The following SFMBT2 variants were observed in gnomAD, a reference collection of about 807,000 sequenced individuals.
SFMBT2 encodes Scm like with four mbt domains 2, also known as scm-like with four MBT domains protein 2.
A neutral mutation model predicts 110.1 loss-of-function variants in SFMBT2; 38 were observed. The ratio of observed to expected loss-of-function variants is 0.35; its 90% CI spans 0.27 to 0.45. The LOEUF (loss-of-function observed/expected upper bound fraction) is 0.45. Ranked by LOEUF, SFMBT2 falls within the 20% of genes least tolerant of loss-of-function variation. The pLI is 1.00. For missense variants in SFMBT2, 1,011 were observed against 1,094.9 expected (o/e 0.92, Z 1.08); for synonymous variants, 425 against 425.4 (o/e 1.00, Z 0.01).
Position 7,392,989 on chromosome 10 carries a change from A to T in SFMBT2, c.-51-11040T>A, listed in dbSNP as rs1845813914. On this transcript the variant is annotated intron_variant, in intron 1 of 20. Coordinates refer to ENST00000397167, the MANE Select transcript of SFMBT2 (RefSeq NM_001387889.1). ...ATACAAGTATGTGGATAGATTATATATATATATATATATATATATATATAT... is the reference window on the plus strand; with the variant it reads ...ATACAAGTATGTGGATAGATTATATTTATATATATATATATATATATATAT... Among the ~76,000 whole-genome samples, 11 of 19,332 alleles carry T rather than the reference A, an allele frequency of 5.7e-4. No individual in the cohort carries two copies. In the South Asian group the frequency reaches 0.024, roughly 43 times the overall value. The allele number at this position is 19,332 out of a possible 152,430, so 12.7% of individuals were successfully genotyped here. A position where few individuals can be genotyped will look rare whatever the true frequency, so the allele number is the denominator to read the frequency against.
chr10:7,262,759 A>G (rs767523715), intron 7 of SFMBT2, among the ~76,000 whole-genome samples: 26 of 152,138 alleles, frequency 1.7e-4, no homozygotes. Context: ...AGTTACATTT[A>G]TTGTTTGACC....
intron 17 of SFMBT2, 49 bp downstream of exon 17, chr10:7,175,941 G>A (rs1381554853): frequency 6.4e-7 from 1 of 1,555,868 alleles, no homozygotes; most frequent in South Asian, 1.1e-5. Flanking sequence ...TTAGAGTGCA[G>A]TTTAGGTCTC....
chr10:7,383,521 T>C (rs990277110), intron 1 of SFMBT2, among the ~76,000 whole-genome samples: 4 of 152,190 alleles, frequency 2.6e-5, no homozygotes, highest in Non-Finnish European at 4.4e-5. Flanking sequence ...TAACGTACTA[T>C]ACCAGACACT....
At chr10:7,248,863 C>T (rs994177563) in intron 7 of SFMBT2, among the ~76,000 whole-genome samples, 7 of 152,298 alleles carry the variant, frequency 4.6e-5, no homozygotes, top group Non-Finnish European at 1.0e-4. Context: ...GGCAACAAGG[C>T]TTCCTGGCCA....
intron 2 of SFMBT2, among the ~76,000 whole-genome samples, chr10:7,377,544 T>A (rs187465582): frequency 6.6e-6 from 1 of 152,184 alleles, no homozygotes; most frequent in Non-Finnish European, 1.5e-5. Flanking sequence ...CTTGTTTTCC[T>A]GCAACTAGAC....
rs748824308 is a variant in SFMBT2, at chr10:7,367,618, G to A, written c.436+31C>T. 1.9e-5 allele frequency: 30 copies of A among 1,593,742 alleles called. No homozygotes were observed. The highest frequency in any genetic ancestry group is 2.2e-5 in the East Asian group (1 of 44,542). ...CAGGCGTCATGAAGGATGGCGGCTCGTAAATCGAAGCCTTTGAAACAGGGG... is the reference window on the plus strand; with the variant it reads ...CAGGCGTCATGAAGGATGGCGGCTCATAAATCGAAGCCTTTGAAACAGGGG... On this transcript the variant is annotated intron_variant, in intron 4 of 20. Coordinates refer to ENST00000397167, the MANE Select transcript of SFMBT2 (RefSeq NM_001387889.1). The surrounding 1 kb of genome is among the most constrained non-coding windows in gnomAD (Gnocchi z 6.2).
chr10:7,269,661 A>T (rs967435601), intron 7 of SFMBT2, among the ~76,000 whole-genome samples: 2 of 152,042 alleles, frequency 1.3e-5, no homozygotes, highest in African/African-American at 4.8e-5. Context: ...CTGCCTGCTG[A>T]GAAACAGTGA....
intron 8 of SFMBT2, among the ~76,000 whole-genome samples, chr10:7,248,239 A>C (rs1051439789): frequency 3.3e-5 from 5 of 152,250 alleles, no homozygotes; most frequent in Admixed American, 2.0e-4. Context: ...ACTACTACCC[A>C]TGCAGGAAGA....
chr10:7,370,604 G>GT (rs1845034600), intron 2 of SFMBT2, among the ~76,000 whole-genome samples: 2 of 152,226 alleles, frequency 1.3e-5, no homozygotes, highest in South Asian at 4.1e-4. Context: ...GAAATCAAGA[G>GT]TAACACTGGG....
In SFMBT2 at chr10:7,172,446, G is replaced by C; in HGVS notation, c.2151+49C>G. The C allele has an allele frequency of 1.2e-6, 2 of 1,611,512 alleles. No individual in the cohort carries two copies. Among genetic ancestry groups the C allele is most frequent in the Non-Finnish European group, 1.7e-6 (2 of 1,179,714 alleles). On this transcript the variant is annotated intron_variant, in intron 18 of 20. Coordinates refer to ENST00000397167, the MANE Select transcript of SFMBT2 (RefSeq NM_001387889.1). This position sits in a 1 kb window ranked among gnomAD's most constrained non-coding sequence, Gnocchi z 4.6. Reference sequence around the variant, plus strand: ...TGAAGCAGCCACACTTGCCGGCCAGGGCCAGATGACAGAGCTACAGGCTGG... The same window carrying C: ...TGAAGCAGCCACACTTGCCGGCCAGCGCCAGATGACAGAGCTACAGGCTGG...
intron 16 of SFMBT2, among the ~76,000 whole-genome samples, chr10:7,180,082 T>A (rs1263492307): frequency 1.3e-5 from 2 of 151,698 alleles, no homozygotes; most frequent in Non-Finnish European, 2.9e-5. Context: ...CCCCACCTGC[T>A]GGGAGAAAGC....
At chr10:7,405,569 C>A (rs1846188638) in intron 1 of SFMBT2, among the ~76,000 whole-genome samples, 1 of 152,212 alleles carries the variant, frequency 6.6e-6, no homozygotes, top group African/African-American at 2.4e-5. Context: ...TGGATGTCAC[C>A]TAAGGCCAGT....
chr10:7,311,888 A>G (rs935962904), intron 4 of SFMBT2, among the ~76,000 whole-genome samples: 11 of 152,154 alleles, frequency 7.2e-5, no homozygotes, highest in African/African-American at 2.7e-4. Flanking sequence ...AACTCATTCA[A>G]ATTCTTTCTT....
chr10:7,348,422 G>T (rs992876279), intron 4 of SFMBT2: 1 of 1,085,012 alleles, frequency 9.2e-7, no homozygotes, highest in Non-Finnish European at 1.2e-6. Context: ...CATAACTACT[G>T]TGTAAATATG....
chr10:7,316,896 AC>A (rs1160763709), intron 4 of SFMBT2, among the ~76,000 whole-genome samples: 16 of 152,064 alleles, frequency 1.1e-4, no homozygotes, highest in African/African-American at 3.6e-4. Context: ...ACACACACAC[AC>A]ACATGCAAAC....
At chr10:7,180,762 G>A (rs1418989622) in intron 16 of SFMBT2, among the ~76,000 whole-genome samples, 6 of 152,172 alleles carry the variant, frequency 3.9e-5, no homozygotes, top group Non-Finnish European at 5.9e-5. Context: ...TCGCATGTGG[G>A]GACAGCTGTT....
chr10:7,222,038 T>A (rs1210621260), intron 10 of SFMBT2, among the ~76,000 whole-genome samples: 4 of 152,270 alleles, frequency 2.6e-5, no homozygotes, highest in Admixed American at 2.0e-4. Flanking sequence ...TGTATAACTA[T>A]AGTTCTTAAA....
intron 16 of SFMBT2, among the ~76,000 whole-genome samples, chr10:7,185,146 C>G (rs1226050694): frequency 2.0e-5 from 3 of 152,184 alleles, no homozygotes; most frequent in African/African-American, 7.2e-5. Context: ...ATGTCTTAAG[C>G]TGGCCTGTTT....
At chr10:7,394,541 C>A (rs990314255) in intron 1 of SFMBT2, among the ~76,000 whole-genome samples, 1 of 151,162 alleles carries the variant, frequency 6.6e-6, no homozygotes, top group East Asian at 2.0e-4. Context: ...ACGCTCACCC[C>A]CCTGGCAGCT....
Sources: allele counts gnomAD v4.1 joint callset (sites outside exome capture counted in the v4.1 genomes callset), GRCh38; gene constraint gnomAD v4.1.1; non-coding constraint Gnocchi (gnomAD v3.1); transcripts MANE v1.5; gene names NCBI Gene and HGNC (gene_info 2026-07-23, HGNC 2026-07-21).